The following MPHOSPH10 variants were observed in gnomAD, a reference collection of about 807,000 sequenced individuals.
MPHOSPH10 encodes M-phase phosphoprotein 10, also known as U3 small nucleolar ribonucleoprotein MPP10.
MPHOSPH10 carries 33 observed loss-of-function variants against 77.3 expected under a neutral mutation model. The observed-to-expected ratio is 0.43, with a 90% CI of 0.32 to 0.57. The LOEUF (loss-of-function observed/expected upper bound fraction) is 0.57. MPHOSPH10 is among the 20% of genes least tolerant of loss of function. MPHOSPH10 has a pLI of 0.07. For synonymous variants in MPHOSPH10, 245 were observed against 268.0 expected (o/e 0.91, Z 0.84); for missense variants, 708 against 780.1 (o/e 0.91, Z 1.10).
In MPHOSPH10 at chr2:71,133,269, A is replaced by G. The variant is rs76328738; in HGVS notation, c.461A>G (p.Asn154Ser). Residue 154 changes from asparagine to serine, a missense_variant, in exon 2 of 11, where the codon AAC becomes AGC. Coordinates refer to ENST00000244230, the MANE Select transcript of MPHOSPH10 (RefSeq NM_005791.3). ...DDPEMGERAE[N>S]SSKSDLRKSP... ...CCTGAAATGGGTGAGAGAGCTGAAA[A>G]CTCAAGCAAATCTGATCTGAGGAAA... 6.4e-3 allele frequency: 10,268 copies of G among 1,614,032 alleles called. 221 individuals are homozygous for G. In the African/African-American group the frequency reaches 0.064, roughly 10 times the overall value.
rs148096202 is a variant in MPHOSPH10, at chr2:71,130,694, C to T, written c.29C>T (p.Thr10Ile). The change falls in exon 1 of 11, where the codon ACC becomes ATC. Residue 10 changes from threonine (T) to isoleucine (I), a missense_variant. By Grantham distance (89) the Thr-to-Ile change is moderately conservative. Around this residue, in one of 3 missense-constraint regions of MPHOSPH10, gnomAD observed 433 missense variants for 432.6 expected, o/e 1.00. Coordinates refer to ENST00000244230, the MANE Select transcript of MPHOSPH10 (RefSeq NM_005791.3). Reference protein sequence around the residue: MAPQVWRRRTLERCLTEVGK... With the variant: MAPQVWRRRILERCLTEVGK... ...GCGCCGCAGGTCTGGCGTCGACGGA[C>T]CCTGGAGCGGTGTCTGACGGAAGTC... 279 of 1,610,760 alleles carry T rather than the reference C, an allele frequency of 1.7e-4. 3 individuals are homozygous for T. In the East Asian group the frequency reaches 2.1e-3, roughly 12 times the overall value.
chr2:71,149,920 C>A lies in MPHOSPH10; in HGVS notation c.1951C>A (p.Gln651Lys). Reference protein sequence around the residue: ...KSSQAFFSKLQDQVKMQINDA... With the variant: ...KSSQAFFSKLKDQVKMQINDA... ...CTCTCAAGCATTCTTTTCTAAATTACAAGATCAAGTAAAAATGCAAATCAA... is the reference window on the plus strand; with the variant it reads ...CTCTCAAGCATTCTTTTCTAAATTAAAAGATCAAGTAAAAATGCAAATCAA... The change falls in exon 11 of 11, where the codon CAA becomes AAA. Residue 651 changes from glutamine to lysine, a missense_variant. Coordinates refer to ENST00000244230, the MANE Select transcript of MPHOSPH10 (RefSeq NM_005791.3). 6.4e-7 allele frequency: 1 copy of A among 1,573,520 alleles called. No individual in the cohort carries two copies. Among genetic ancestry groups the A allele is most frequent in the Non-Finnish European group, 8.6e-7 (1 of 1,165,882 alleles).
Position 71,141,307 on chromosome 2 carries a change from C to G in MPHOSPH10, c.1384C>G (p.His462Asp), listed in dbSNP as rs769225124. ...ATATAAAAAGCGTTTAACCTTAGAC[C>G]ATGAGAAGAGTAAATTGAGCCTTGC... The part of the protein sequence containing the change: ...YEYKKRLTLD[H>D]EKSKLSLAEI... Residue 462 changes from histidine (H) to aspartate (D), a missense_variant, in exon 7 of 11, where the codon CAT (histidine) becomes GAT (aspartate). Transcript: ENST00000244230. The G allele has an allele frequency of 8.3e-6, 13 of 1,569,836 alleles. No individual in the cohort carries two copies. Among genetic ancestry groups the G allele is most frequent in the Middle Eastern group, 1.7e-4 (1 of 5,960 alleles).
intron 4 of MPHOSPH10, among the ~76,000 whole-genome samples, chr2:71,137,472 A>C (rs1463417057): frequency 6.6e-6 from 1 of 152,080 alleles, no homozygotes; most frequent in Non-Finnish European, 1.5e-5. Context: ...CAGCCTGGGC[A>C]ACATGGTAAG....
At chr2:71,135,851 C>T (rs1298750427) in intron 4 of MPHOSPH10, among the ~76,000 whole-genome samples, 11 of 151,442 alleles carry the variant, frequency 7.3e-5, no homozygotes, top group South Asian at 2.1e-4. Flanking sequence ...TACAGATGCC[C>T]GCCACCACGC....
intron 7 of MPHOSPH10, 142 bp downstream of exon 7, chr2:71,141,511 G>T: frequency 1.5e-6 from 1 of 650,768 alleles, no homozygotes. Context: ...AGCATGCTAG[G>T]AATAGAAGGG....
intron 6 of MPHOSPH10, among the ~76,000 whole-genome samples, chr2:71,140,506 G>A (rs1026173884): frequency 4.6e-5 from 7 of 152,150 alleles, no homozygotes; most frequent in Admixed American, 2.0e-4. Context: ...ATCCAGTCAC[G>A]TCCTAGAAGG....
At chr2:71,146,872 A>G (rs1184558010) in intron 8 of MPHOSPH10, among the ~76,000 whole-genome samples, 1 of 152,210 alleles carries the variant, frequency 6.6e-6, no homozygotes, top group African/African-American at 2.4e-5. Context: ...GTGATAAGGA[A>G]GAAAGAATGC....
rs1256634868 is a variant in MPHOSPH10, at chr2:71,133,982, AT to A, written c.810del (p.Phe270LeufsTer10). On this transcript the variant is annotated frameshift_variant, in exon 3 of 11. Transcript: ENST00000244230. LOFTEE classifies it high-confidence loss of function. ...GKSSRNLKYK[D>X]FFDPVESDED... ...AGTTCCAGAAATCTGAAATACAAAG[AT>A]TTTTTTGATCCAGTTGAAAGTGATG... is the stretch of plus-strand genomic sequence containing the variant. 8.2e-6 allele frequency: 13 copies of A among 1,588,794 alleles called. No individual in the cohort carries two copies. The highest frequency in any genetic ancestry group is 4.7e-5 in the South Asian group (4 of 85,620).
Position 71,149,471 on chromosome 2 carries a change from A to G in MPHOSPH10, c.1896+18A>G. ...TCATAAAGGTAAGGACAAGGGAAAGAAAACTGCTCAAGGGGACCTTTGTGG... is the reference window on the plus strand; with the variant it reads ...TCATAAAGGTAAGGACAAGGGAAAGGAAACTGCTCAAGGGGACCTTTGTGG... On this transcript the variant is annotated intron_variant, in intron 10 of 10. Transcript: ENST00000244230. 6.2e-7 allele frequency: 1 copy of G among 1,600,688 alleles called. No individual in the cohort carries two copies. Among genetic ancestry groups the G allele is most frequent in the Non-Finnish European group, 8.5e-7 (1 of 1,172,658 alleles).
rs764056516 is a variant in MPHOSPH10 at position 71,130,695 on chromosome 2, C to G, written c.30C>G (p.Thr10=). 6.2e-7 allele frequency: 1 copy of G among 1,610,808 alleles called. No homozygotes were observed. Among genetic ancestry groups the G allele is most frequent in the Non-Finnish European group, 8.5e-7 (1 of 1,179,234 alleles). ...CGCCGCAGGTCTGGCGTCGACGGAC[C>G]CTGGAGCGGTGTCTGACGGAAGTCG... MAPQVWRRR[T]LERCLTEVGK... is the part of the protein sequence containing the mutation. Residue 10 remains threonine, a synonymous_variant, in exon 1 of 11, where the codon ACC becomes ACG. Transcript: ENST00000244230.
At chr2:71,136,689 T>C (rs1318459155) in intron 4 of MPHOSPH10, among the ~76,000 whole-genome samples, 1 of 152,052 alleles carries the variant, frequency 6.6e-6, no homozygotes, top group African/African-American at 2.4e-5. Flanking sequence ...AATGAGTTAG[T>C]ATCCTTCCAC....
At chr2:71,134,506 C>G in intron 3 of MPHOSPH10, 120 bp from the exon 4 acceptor site, 1 of 852,606 alleles carries the variant, frequency 1.2e-6, no homozygotes, top group Non-Finnish European at 1.8e-6. Flanking sequence ...TTTGGAAGTT[C>G]TGAGTATTTG....
intron 8 of MPHOSPH10, among the ~76,000 whole-genome samples, chr2:71,145,426 A>T (rs1185404614): frequency 6.6e-6 from 1 of 151,870 alleles, no homozygotes; most frequent in Non-Finnish European, 1.5e-5. Flanking sequence ...TTATTAGTTG[A>T]TGGCTAGGTG....
At position 71,144,422 on chromosome 2, in the gene MPHOSPH10, C is replaced by G; in HGVS notation, c.1447-6C>G. The G allele has an allele frequency of 6.3e-7, 1 of 1,578,088 alleles. No homozygotes were observed. The highest frequency in any genetic ancestry group is 8.6e-7 in the Non-Finnish European group (1 of 1,157,466). ...TAGTTTGACATTGTTGAACTTATTT[C>G]CTAAGCAAAAAACAGCAGAAGAAGA... On this transcript the variant is annotated splice_region_variant and splice_polypyrimidine_tract_variant and intron_variant, in intron 7 of 10. Coordinates refer to ENST00000244230, the MANE Select transcript of MPHOSPH10 (RefSeq NM_005791.3).
intron 5 of MPHOSPH10, 64 bp from the exon 6 acceptor site, chr2:71,139,731 G>A (rs1010539386): frequency 1.7e-6 from 2 of 1,159,744 alleles, no homozygotes; most frequent in Non-Finnish European, 2.5e-6. Flanking sequence ...TGGGTCCAAG[G>A]ACTGCACTGA....
In MPHOSPH10 at chr2:71,141,501, A is replaced by G. The variant is rs1673612067; in HGVS notation, c.1446+132A>G. 4 of 705,904 alleles carry G rather than the reference A, an allele frequency of 5.7e-6. No individual in the cohort carries two copies. The East Asian group carries it at 1.3e-4, about 23-fold the overall frequency. 43.7% of individuals were successfully genotyped at this position (705,904 alleles called of 1,614,324 possible). ...GCTACCTCATGTAAGTATGAGACAG[A>G]GCATGCTAGGAATAGAAGGGTTCTA... On this transcript the variant is annotated intron_variant, in intron 7 of 10. Coordinates refer to ENST00000244230, the MANE Select transcript of MPHOSPH10 (RefSeq NM_005791.3).
Position 71,149,260 on chromosome 2 carries a change from A to G in MPHOSPH10, c.1703A>G (p.Glu568Gly). ...GCTGGAGATATAAAAACAGCTGCTGAAAAAACAGCTACAGACAAGAAACGA... is the reference window on the plus strand; with the variant it reads ...GCTGGAGATATAAAAACAGCTGCTGGAAAAACAGCTACAGACAAGAAACGA... ...NKAGDIKTAAEKTATDKKRER... is the reference protein window; with the variant it reads ...NKAGDIKTAAGKTATDKKRER... Residue 568 changes from glutamate to glycine, a missense_variant, in exon 10 of 11, where the codon GAA becomes GGA. By Grantham distance (98) the Glu-to-Gly change is moderately conservative (BLOSUM62 -2). This residue lies in a region of MPHOSPH10 where 263 missense variants were observed against 320.0 expected (regional missense o/e 0.82). Coordinates refer to ENST00000244230, the MANE Select transcript of MPHOSPH10 (RefSeq NM_005791.3). 1 of 1,590,290 alleles carries G rather than the reference A, an allele frequency of 6.3e-7. No individual in the cohort carries two copies. The highest frequency in any genetic ancestry group is 8.6e-7 in the Non-Finnish European group (1 of 1,168,686).
chr2:71,149,885 C>A lies in MPHOSPH10; in HGVS notation c.1916C>A (p.Ala639Asp). The change falls in exon 11 of 11, where the codon GCC (alanine) becomes GAC (aspartate). Residue 639 changes from alanine (A) to aspartate (D), a missense_variant. Coordinates refer to ENST00000244230, the MANE Select transcript of MPHOSPH10 (RefSeq NM_005791.3). ...TTGCAGGATGAAGGTAAAGACAAGG[C>A]CTTAAAGTCCTCTCAAGCATTCTTT... ...SFIKDEGKDK[A>D]LKSSQAFFSK... The A allele has an allele frequency of 6.4e-7, 1 of 1,560,758 alleles. No individual in the cohort carries two copies. The highest frequency in any genetic ancestry group is 1.2e-5 in the South Asian group (1 of 81,140).
Sources: gnomAD v4.1 joint callset for allele counts (sites outside exome capture counted in the v4.1 genomes callset) on GRCh38, gnomAD v4.1.1 for gene constraint, gnomAD v4.1.1 regional missense constraint, MANE v1.5 for transcripts, NCBI Gene and HGNC (gene_info 2026-07-23, HGNC 2026-07-21) for gene names.